Variants in SDAD1 observed in about 807,000 individuals in gnomAD.
The protein encoded by SDAD1 is SDA1 domain containing 1.
In SDAD1, 79 loss-of-function variants were observed where a neutral mutation model predicts 100.3. That is an observed-to-expected ratio of 0.79 (90% CI 0.66 to 0.95). The LOEUF (loss-of-function observed/expected upper bound fraction) is 0.95, where lower values mean the gene tolerates loss of function less well. Among genes scored for constraint, SDAD1 ranks in the 40% least tolerant of loss-of-function variants. The pLI, the probability that SDAD1 is intolerant of heterozygous loss-of-function variation, is 0.00. For synonymous variants in SDAD1, 267 were observed against 271.4 expected (o/e 0.98, Z 0.16); for missense variants, 790 against 810.9 (o/e 0.97, Z 0.31).
At chr4:75,986,522 T>G (rs1484002280) in intron 1 of SDAD1, among the ~76,000 whole-genome samples, 2 of 152,100 alleles carry the variant, frequency 1.3e-5, no homozygotes, top group African/African-American at 4.8e-5. Flanking sequence ...TTACCTTCTC[T>G]CCTACTACAA....
chr4:75,957,397 A>G lies in SDAD1; in HGVS notation c.1782T>C (p.Leu594=). The change falls in exon 20 of 22, where the codon CTT becomes CTC. Residue 594 remains leucine, a synonymous_variant. Coordinates refer to ENST00000356260, the MANE Select transcript of SDAD1 (RefSeq NM_018115.4). The stretch of plus-strand genomic sequence containing the variant: ...GAAGGCGTTCAATGTCCCGAAGAGA[A>G]AGTAATTCACCCCTGGGGTGAGGGA... ...DSDEEPRGEL[L]SLRDIERLHK... is the part of the protein sequence containing the mutation. 1 of 1,614,094 alleles carries G rather than the reference A, an allele frequency of 6.2e-7. No individual in the cohort carries two copies. Among genetic ancestry groups the G allele is most frequent in the Non-Finnish European group, 8.5e-7 (1 of 1,180,006 alleles).
At chr4:75,978,843 TG>T (rs925005296) in intron 3 of SDAD1, among the ~76,000 whole-genome samples, 1 of 150,504 alleles carries the variant, frequency 6.6e-6, no homozygotes, top group African/African-American at 2.4e-5. Context: ...CTGGGTGTGG[TG>T]GCACACACCT....
rs1238645074 is a variant in SDAD1 at position 75,957,522 on chromosome 4, G to A, written c.1765C>T (p.Pro589Ser). The change falls in exon 19 of 22, where the codon CCC becomes TCC. Residue 589 changes from proline (P) to serine (S), a missense_variant. Pro to Ser is a moderately conservative substitution (Grantham distance 74). Transcript: ENST00000356260. Reference sequence around the variant, plus strand: ...AAAGTGGATGTGCCATTTTACCTGGGCTCTTCATCACTGTCTATTTCAATG... The same window carrying A: ...AAAGTGGATGTGCCATTTTACCTGGACTCTTCATCACTGTCTATTTCAATG... ...KYIEIDSDEE[P>S]RGELLSLRDI... is the part of the protein sequence containing the mutation. 6.2e-7 allele frequency: 1 copy of A among 1,613,890 alleles called. No individual in the cohort carries two copies. Among genetic ancestry groups the A allele is most frequent in the Admixed American group, 1.7e-5 (1 of 59,996 alleles).
rs1013554798 is a variant in SDAD1 at position 75,961,149 on chromosome 4, C to T, written c.1280-45G>A. Reference sequence around the variant, plus strand: ...ATTAGAAATTCTGGCCCATAGAGTACAATGAGGTAAAAAGGAGTCACACTG... The same window carrying T: ...ATTAGAAATTCTGGCCCATAGAGTATAATGAGGTAAAAAGGAGTCACACTG... On this transcript the variant is annotated intron_variant, in intron 15 of 21. Transcript: ENST00000356260. 3 of 1,607,492 alleles carry T rather than the reference C, an allele frequency of 1.9e-6. No homozygotes were observed. In the African/African-American group the frequency reaches 4.0e-5, roughly 22 times the overall value.
chr4:75,974,007 T>A, intron 7 of SDAD1, 69 bp downstream of exon 7: 4 of 1,339,074 alleles, frequency 3.0e-6, no homozygotes, highest in Non-Finnish European at 3.2e-6. Context: ...GAGTGATGCT[T>A]TCTTCTAACT....
At chr4:75,958,278 G>A (rs899249736) in intron 17 of SDAD1, among the ~76,000 whole-genome samples, 40 of 152,278 alleles carry the variant, frequency 2.6e-4, no homozygotes, top group African/African-American at 8.9e-4. Flanking sequence ...TGAAAATCAT[G>A]TCTACCTTTA....
intron 21 of SDAD1, among the ~76,000 whole-genome samples, chr4:75,955,310 TG>T (rs1728827087): frequency 6.6e-6 from 1 of 152,240 alleles, no homozygotes; most frequent in African/African-American, 2.4e-5. Context: ...GTATATCCAG[TG>T]CATTGGCAGC....
intron 1 of SDAD1, among the ~76,000 whole-genome samples, chr4:75,983,897 C>T (rs931187471): frequency 6.6e-5 from 10 of 151,908 alleles, no homozygotes; most frequent in Non-Finnish European, 1.3e-4. Flanking sequence ...CCTAGGTTTT[C>T]TTCTAGGGTT....
chr4:75,976,817 T>G (rs1220255891), intron 4 of SDAD1, among the ~76,000 whole-genome samples: 2 of 152,222 alleles, frequency 1.3e-5, no homozygotes, highest in African/African-American at 4.8e-5. Context: ...ATATCACTGG[T>G]GCCCACACCA....
chr4:75,970,226 A>G, intron 10 of SDAD1, 83 bp downstream of exon 10: 1 of 1,137,712 alleles, frequency 8.8e-7, no homozygotes, highest in Non-Finnish European at 1.3e-6. Context: ...CAGGGATCTT[A>G]TATTCCCTGA....
At chr4:75,976,140 C>A in intron 4 of SDAD1, 145 bp from the exon 5 acceptor site, 1 of 584,174 alleles carries the variant, frequency 1.7e-6, no homozygotes. Context: ...ACCAAGCAAA[C>A]AAACAAAAAA....
chr4:75,989,893 G>A (rs556221564), intron 1 of SDAD1, among the ~76,000 whole-genome samples: 1 of 152,148 alleles, frequency 6.6e-6, no homozygotes, highest in African/African-American at 2.4e-5. Flanking sequence ...AAGTGAGAAG[G>A]GCAATGAAAA....
chr4:75,977,886 T>C, intron 3 of SDAD1, 130 bp from the exon 4 acceptor site: 1 of 609,516 alleles, frequency 1.6e-6, no homozygotes, highest in Non-Finnish European at 2.9e-6. Context: ...GAATAGTCAG[T>C]CTCTGCCTTC....
chr4:75,976,173 T>C (rs749069894), intron 4 of SDAD1, among the ~76,000 whole-genome samples, 178 bp from the exon 5 acceptor site: 7 of 152,120 alleles, frequency 4.6e-5, no homozygotes, highest in East Asian at 1.9e-4. Flanking sequence ...CAAAGCAAAG[T>C]TGTCCTCAAG....
intron 17 of SDAD1, among the ~76,000 whole-genome samples, chr4:75,959,141 C>T (rs968383593): frequency 2.0e-5 from 2 of 99,898 alleles, no homozygotes; most frequent in Non-Finnish European, 4.2e-5. Flanking sequence ...TAAAAAAAAA[C>T]TTCCGAGGTG....
At chr4:75,964,051 G>A (rs879576978) in intron 14 of SDAD1, 84 bp downstream of exon 14, 2 of 880,962 alleles carry the variant, frequency 2.3e-6, no homozygotes, top group Non-Finnish European at 3.7e-6. Flanking sequence ...GATACTACCA[G>A]CTACAATCTT....
rs560573777 is a variant in SDAD1 at position 75,964,833 on chromosome 4, A to G, written c.1105-622T>C. Among the ~76,000 whole-genome samples the G allele has an allele frequency of 1.7e-4, 26 of 152,296 alleles. 1 individual carries two copies. In the South Asian group the frequency reaches 5.2e-3, roughly 30 times the overall value. On this transcript the variant is annotated intron_variant, in intron 13 of 21. Transcript: ENST00000356260. ...TGTGAAGATTTCATAGACATGTATC[A>G]TTTCCCCAATCAATACTCTTGTGAT...
chr4:75,962,089 C>T (rs1322327629), intron 14 of SDAD1, among the ~76,000 whole-genome samples: 1 of 152,164 alleles, frequency 6.6e-6, no homozygotes, highest in Non-Finnish European at 1.5e-5. Flanking sequence ...TGATGTTCCC[C>T]ATCCTGTGTC....
Position 75,969,413 on chromosome 4 carries a change from G to T in SDAD1, c.884-14C>A, listed in dbSNP as rs76310548. On this transcript the variant is annotated splice_polypyrimidine_tract_variant and intron_variant, in intron 10 of 21. Coordinates refer to ENST00000356260, the MANE Select transcript of SDAD1 (RefSeq NM_018115.4). ...TTTCCGCAAAATCTGGCAAGGAGAG[G>T]ATGAAAGAAGTACATTGTGAGTCTA... is the stretch of plus-strand genomic sequence containing the variant. The T allele has an allele frequency of 6.4e-7, 1 of 1,566,318 alleles. No homozygotes were observed. The highest frequency in any genetic ancestry group is 8.8e-7 in the Non-Finnish European group (1 of 1,137,586).
Sources: gnomAD v4.1 joint callset for allele counts (sites outside exome capture counted in the v4.1 genomes callset) on GRCh38, gnomAD v4.1.1 for gene constraint, MANE v1.5 for transcripts, NCBI Gene and HGNC (gene_info 2026-07-23, HGNC 2026-07-21) for gene names.